Variants in FAM53B observed in about 807,000 individuals in gnomAD.
FAM53B encodes family with sequence similarity 53 member B, also known as protein FAM53B.
Under a neutral mutation model 32.7 loss-of-function variants are expected in FAM53B, and 12 were observed. The ratio of observed to expected loss-of-function variants is 0.37; its 90% CI spans 0.24 to 0.59. The LOEUF is 0.59. FAM53B is among the 20% of genes least tolerant of loss of function. The pLI, the probability that FAM53B is intolerant of heterozygous loss-of-function variation, is 0.72. For missense variants in FAM53B, 477 were observed against 577.7 expected, an observed-to-expected ratio of 0.83 and a Z score of 1.79; for synonymous variants, 234 against 228.7, an observed-to-expected ratio of 1.02 and a Z score of -0.21.
chr10:124,649,974 C>T (rs531085330), intron 4 of FAM53B, among the ~76,000 whole-genome samples: 4 of 152,130 alleles, frequency 2.6e-5, no homozygotes, highest in Non-Finnish European at 4.4e-5. Flanking sequence ...TGCCCAGGCC[C>T]TCTCCTCGCA....
At position 124,667,392 on chromosome 10, in the gene FAM53B, A is replaced by G. The variant is rs767743186; in HGVS notation, c.906+14215T>C. The G allele has an allele frequency of 7.8e-6, 6 of 769,644 alleles. No homozygotes were observed. The East Asian group carries it at 1.2e-4, about 16-fold the overall frequency. The allele number at this position is 769,644 out of a possible 1,614,324, so 47.7% of individuals were successfully genotyped here. The stretch of plus-strand genomic sequence containing the variant: ...GACTCAGCCACCGCCTGTAAAATGG[A>G]TAACGATGTGCCTTCCTCATGGGGC... On this transcript the variant is annotated intron_variant, in intron 4 of 4. Coordinates refer to ENST00000337318, the MANE Select transcript of FAM53B (RefSeq NM_014661.4).
intron 4 of FAM53B, among the ~76,000 whole-genome samples, chr10:124,657,068 ATATGTATATATATG>A (rs1462907302): frequency 1.4e-5 from 2 of 143,474 alleles, no homozygotes; most frequent in Admixed American, 1.4e-4. Context: ...ATGTATATAT[ATATGTATATATATG>A]TGTGTGTATA....
At chr10:124,690,530 C>G (rs911391699) in intron 3 of FAM53B, among the ~76,000 whole-genome samples, 1 of 152,220 alleles carries the variant, frequency 6.6e-6, no homozygotes, top group East Asian at 1.9e-4. Context: ...GTCCCCTCCC[C>G]ATCAGGTGAG....
chr10:124,643,703 G>A (rs887016890), intron 4 of FAM53B, among the ~76,000 whole-genome samples: 1 of 152,220 alleles, frequency 6.6e-6, no homozygotes, highest in African/African-American at 2.4e-5. Context: ...CTTTAGAGCC[G>A]CCATCCCGAA....
rs11245324 is a variant in FAM53B at position 124,656,293 on chromosome 10, C to A, written c.906+25314G>T. Among the ~76,000 whole-genome samples, 250 of 152,338 alleles carry A rather than the reference C, an allele frequency of 1.6e-3. 3 individuals are homozygous for A. In the East Asian group the frequency reaches 0.031, roughly 19 times the overall value. ...CGCAGTCTGGAGGCACCCCAGGCCC[C>A]ACGATAAGCATGCTCTGAATGATCA... On this transcript the variant is annotated intron_variant, in intron 4 of 4. Coordinates refer to ENST00000337318, the MANE Select transcript of FAM53B (RefSeq NM_014661.4).
At chr10:124,666,864 C>A (rs546381071) in intron 4 of FAM53B, among the ~76,000 whole-genome samples, 34 of 152,326 alleles carry the variant, frequency 2.2e-4, no homozygotes, top group Non-Finnish European at 3.7e-4. Context: ...ACGCTCTGGT[C>A]CTCAGGTCTC....
intron 1 of FAM53B, among the ~76,000 whole-genome samples, chr10:124,725,134 G>C (rs1950093712): frequency 6.6e-6 from 1 of 152,356 alleles, no homozygotes; most frequent in East Asian, 1.9e-4. Context: ...TCACCTCCCA[G>C]TGACTACATC....
At chr10:124,667,589 G>A (rs2134060637) in intron 4 of FAM53B, among the ~76,000 whole-genome samples, 1 of 152,326 alleles carries the variant, frequency 6.6e-6, no homozygotes, top group Admixed American at 6.5e-5. Context: ...AGGGCTGGGA[G>A]AGGCTCCTGT....
intron 2 of FAM53B, 82 bp downstream of exon 2, chr10:124,706,554 T>C (rs7897256): frequency 0.99 from 1,550,239 of 1,571,576 alleles, 766,298 homozygotes; most frequent in Non-Finnish European, 1. Context: ...TTTGCTAAGC[T>C]TAGGTGCTCA....
rs918767419 is a variant in FAM53B, at chr10:124,651,454, G to A, written c.907-27850C>T. ...GAAGCTAAGAGGGCTGCCAGGGGAG[G>A]CAGTATAAAGGCATGCTGTGGCCCC... On this transcript the variant is annotated intron_variant, in intron 4 of 4. Transcript: ENST00000337318. The surrounding 1 kb of genome is among the most constrained non-coding windows in gnomAD (Gnocchi z 5.2). 6.6e-6 allele frequency among the ~76,000 whole-genome samples: 1 copy of A among 152,206 alleles called. No individual in the cohort carries two copies. Among genetic ancestry groups the A allele is most frequent in the African/African-American group, 2.4e-5 (1 of 41,442 alleles).
intron 4 of FAM53B, among the ~76,000 whole-genome samples, chr10:124,625,858 G>A (rs1317642646): frequency 6.6e-6 from 1 of 152,262 alleles, no homozygotes; most frequent in Non-Finnish European, 1.5e-5. Flanking sequence ...GGCCTAGGGT[G>A]AGGCCAGGAT....
chr10:124,636,337 T>C (rs943538830), intron 4 of FAM53B, among the ~76,000 whole-genome samples: 1 of 152,168 alleles, frequency 6.6e-6, no homozygotes, highest in African/African-American at 2.4e-5. Context: ...AAAAAACCTC[T>C]ACCAGCCCCA....
intron 4 of FAM53B, among the ~76,000 whole-genome samples, chr10:124,676,488 C>T (rs1949737034): frequency 6.6e-6 from 1 of 152,184 alleles, no homozygotes; most frequent in African/African-American, 2.4e-5. Context: ...CAAGGAAAGG[C>T]ACAGCTGGCC....
rs529046373 is a variant in FAM53B at position 124,696,688 on chromosome 10, C to T, written c.79-476G>A. 8.0e-4 allele frequency among the ~76,000 whole-genome samples: 122 copies of T among 152,236 alleles called. 4 individuals are homozygous for T. In the South Asian group the frequency reaches 0.022, roughly 28 times the overall value. On this transcript the variant is annotated intron_variant, in intron 2 of 4. Transcript: ENST00000337318. Reference sequence around the variant, plus strand: ...CCAGATCCAGGGAGAACAGCTCTCCCGCTCTGGTGAGAAGCATGGGGAGAG... The same window carrying T: ...CCAGATCCAGGGAGAACAGCTCTCCTGCTCTGGTGAGAAGCATGGGGAGAG...
intron 1 of FAM53B, among the ~76,000 whole-genome samples, 174 bp from the exon 2 acceptor site, chr10:124,707,061 G>A (rs1021210145): frequency 3.3e-5 from 5 of 152,014 alleles, no homozygotes; most frequent in Non-Finnish European, 5.9e-5. Flanking sequence ...GAGTCCCCCC[G>A]CCCACCCCTG....
chr10:124,662,633 T>C (rs1045378032), intron 4 of FAM53B, among the ~76,000 whole-genome samples: 2 of 152,100 alleles, frequency 1.3e-5, no homozygotes, highest in African/African-American at 2.4e-5. Context: ...CTAAGCAACA[T>C]AGCAAGACCC....
chr10:124,627,783 T>TGGGGTTTCCTGCTCAGCCTGCCCCAGCC (rs1949364555), intron 4 of FAM53B, among the ~76,000 whole-genome samples: 1 of 149,344 alleles, frequency 6.7e-6, no homozygotes, highest in Non-Finnish European at 1.5e-5. Context: ...TGGCCCCAGC[T>TGGGGTTTCCTGCTCAGCCTGCCCCAGCC]GGGGTTTCCT....
intron 1 of FAM53B, among the ~76,000 whole-genome samples, chr10:124,721,462 T>C (rs1342630237): frequency 6.6e-6 from 1 of 152,240 alleles, no homozygotes; most frequent in African/African-American, 2.4e-5. Flanking sequence ...GCTTCAGTTC[T>C]AGCTGACCTT....
At chr10:124,671,360 C>T (rs569386960) in intron 4 of FAM53B, among the ~76,000 whole-genome samples, 2 of 152,348 alleles carry the variant, frequency 1.3e-5, no homozygotes, top group East Asian at 1.9e-4. Flanking sequence ...CCTGGGGTCC[C>T]CTAGCCCAAG....
Sources: allele counts gnomAD v4.1 joint callset (sites outside exome capture counted in the v4.1 genomes callset), GRCh38; gene constraint gnomAD v4.1.1; non-coding constraint Gnocchi (gnomAD v3.1); transcripts MANE v1.5; gene names NCBI Gene and HGNC (gene_info 2026-07-23, HGNC 2026-07-21).